Variants in CSMD3 observed in about 807,000 individuals in gnomAD.
The protein encoded by CSMD3 is CUB and Sushi multiple domains 3, also known as CUB and sushi domain-containing protein 3.
CSMD3 carries 177 observed loss-of-function variants against 435.2 expected under a neutral mutation model. The ratio of observed to expected loss-of-function variants is 0.41; its 90% confidence interval spans 0.36 to 0.46. The LOEUF (loss-of-function observed/expected upper bound fraction) is 0.46, where lower values mean the gene tolerates loss of function less well. CSMD3 is among the 20% of genes least tolerant of loss of function. The pLI is 0.34. For synonymous variants in CSMD3, 1,656 were observed against 1,520.5 expected (o/e 1.09, Z -2.07); for missense variants, 4,265 against 4,504.6 (o/e 0.95, Z 1.52).
intron 1 of CSMD3, among the ~76,000 whole-genome samples, chr8:113,431,958 T>G (rs1377440339): frequency 6.6e-6 from 1 of 152,214 alleles, no homozygotes; most frequent in Non-Finnish European, 1.5e-5. Context: ...ATTAATATCA[T>G]GAAGGGTAAT....
At chr8:112,586,967 T>C (rs7463547) in intron 23 of CSMD3, 99 bp downstream of exon 23, 418,862 of 758,148 alleles carry the variant, frequency 0.55, 117,729 homozygotes, top group African/African-American at 0.68. Flanking sequence ...GTTAATACTA[T>C]ATACATACAC....
chr8:112,793,338 A>C (rs2078742659), intron 13 of CSMD3, among the ~76,000 whole-genome samples: 1 of 151,644 alleles, frequency 6.6e-6, no homozygotes, highest in South Asian at 2.1e-4. Flanking sequence ...AAAAAAGAGC[A>C]TAGTGAACAT....
rs547807202 is a variant in CSMD3 at position 113,434,974 on chromosome 8, C to T, written c.178+1703G>A. On this transcript the variant is annotated intron_variant, in intron 1 of 70. Coordinates refer to ENST00000297405, the MANE Select transcript of CSMD3 (RefSeq NM_198123.2). ...CATCTTCTCACAGGAGCCACCCTTA[C>T]ATTTTTCTGCCAGGGCTGCTGCTGG... 3.7e-3 allele frequency among the ~76,000 whole-genome samples: 567 copies of T among 152,362 alleles called. 5 individuals are homozygous for T. Among genetic ancestry groups the T allele is most frequent in the Non-Finnish European group, 7.0e-3 (473 of 68,030 alleles).
At chr8:112,890,523 C>T (rs2081753606) in intron 10 of CSMD3, among the ~76,000 whole-genome samples, 1 of 151,602 alleles carries the variant, frequency 6.6e-6, no homozygotes, top group African/African-American at 2.4e-5. Context: ...TCAGGATAAG[C>T]CCATGCTACT....
chr8:112,478,842 T>G (rs891346701), intron 31 of CSMD3, among the ~76,000 whole-genome samples: 1 of 152,120 alleles, frequency 6.6e-6, no homozygotes, highest in African/African-American at 2.4e-5. Context: ...CTAAATAATG[T>G]CTTTTACCCA....
intron 32 of CSMD3, among the ~76,000 whole-genome samples, chr8:112,453,082 C>A (rs1253286460): frequency 6.6e-6 from 1 of 152,078 alleles, no homozygotes; most frequent in Non-Finnish European, 1.5e-5. Flanking sequence ...ATTATTTCCT[C>A]AAATGAAAAA....
At chr8:112,464,897 T>C (rs1157191821) in intron 32 of CSMD3, among the ~76,000 whole-genome samples, 1 of 152,166 alleles carries the variant, frequency 6.6e-6, no homozygotes, top group South Asian at 2.1e-4. Context: ...GAAGTATGCC[T>C]CATTTTAATC....
At chr8:113,338,931 C>T (rs2094097565) in intron 1 of CSMD3, among the ~76,000 whole-genome samples, 1 of 151,638 alleles carries the variant, frequency 6.6e-6, no homozygotes, top group Admixed American at 6.6e-5. Flanking sequence ...TTTTCTTGTC[C>T]ACACTTGTCT....
intron 13 of CSMD3, among the ~76,000 whole-genome samples, chr8:112,794,000 CTG>C (rs2078759048): frequency 6.6e-6 from 1 of 152,056 alleles, no homozygotes; most frequent in African/African-American, 2.4e-5. Context: ...GTGACAGAAA[CTG>C]AACTCACCAT....
intron 7 of CSMD3, among the ~76,000 whole-genome samples, chr8:112,967,436 C>A (rs1432906161): frequency 6.6e-6 from 1 of 151,848 alleles, no homozygotes; most frequent in Non-Finnish European, 1.5e-5. Context: ...GCACTGAGTA[C>A]AAGAATTAGT....
chr8:112,943,220 T>C (rs957755701), intron 9 of CSMD3, among the ~76,000 whole-genome samples: 1 of 151,818 alleles, frequency 6.6e-6, no homozygotes, highest in Non-Finnish European at 1.5e-5. Flanking sequence ...ATATTTAATA[T>C]ACAGAATGTA....
chr8:113,375,383 T>C (rs2094374833), intron 1 of CSMD3, among the ~76,000 whole-genome samples: 1 of 152,146 alleles, frequency 6.6e-6, no homozygotes. Flanking sequence ...GTCTAATAAG[T>C]AAAATTCGCT....
At chr8:113,156,952 G>GAGAC (rs1564374809) in intron 4 of CSMD3, among the ~76,000 whole-genome samples, 3 of 151,518 alleles carry the variant, frequency 2.0e-5, no homozygotes, top group African/African-American at 7.3e-5. Flanking sequence ...GAGAGAGAGA[G>GAGAC]AGAGACAGAG....
At chr8:112,395,559 A>T (rs1830787505) in intron 35 of CSMD3, among the ~76,000 whole-genome samples, 1 of 152,154 alleles carries the variant, frequency 6.6e-6, no homozygotes, top group African/African-American at 2.4e-5. Context: ...TCTCTAAAGA[A>T]CTTGAAAAAA....
At chr8:112,647,353 G>C (rs2075008767) in intron 19 of CSMD3, among the ~76,000 whole-genome samples, 2 of 150,068 alleles carry the variant, frequency 1.3e-5, no homozygotes, top group South Asian at 2.1e-4. Context: ...CAGGGCTGGA[G>C]TGCAGTGGCG....
intron 1 of CSMD3, among the ~76,000 whole-genome samples, chr8:113,394,331 G>C (rs757052009): frequency 6.6e-6 from 1 of 151,884 alleles, no homozygotes; most frequent in Non-Finnish European, 1.5e-5. Flanking sequence ...TATATCGAAT[G>C]TTTCTAAAAT....
chr8:112,662,203 C>G (rs1368365829), intron 17 of CSMD3, among the ~76,000 whole-genome samples: 2 of 152,078 alleles, frequency 1.3e-5, no homozygotes, highest in African/African-American at 4.8e-5. Flanking sequence ...AAAAAAGAGC[C>G]CACATTTCCA....
chr8:112,683,204 C>G (rs1172755024), intron 15 of CSMD3, among the ~76,000 whole-genome samples: 2 of 151,848 alleles, frequency 1.3e-5, no homozygotes, highest in Non-Finnish European at 2.9e-5. Context: ...TTCGCAATTA[C>G]CATGTTCCAA....
At chr8:112,974,642 T>C (rs1055097461) in intron 7 of CSMD3, among the ~76,000 whole-genome samples, 1 of 151,876 alleles carries the variant, frequency 6.6e-6, no homozygotes, top group Non-Finnish European at 1.5e-5. Context: ...GTGATATTGA[T>C]TTAATCTTTT....
Sources: gnomAD v4.1 joint callset for allele counts (sites outside exome capture counted in the v4.1 genomes callset) on GRCh38, gnomAD v4.1.1 for gene constraint, MANE v1.5 for transcripts, NCBI Gene and HGNC (gene_info 2026-07-23, HGNC 2026-07-21) for gene names.